The following AANAT variants were observed in gnomAD, a reference collection of about 807,000 sequenced individuals.
The protein encoded by AANAT is serotonin N-acetyltransferase.
Under a neutral mutation model 15.6 loss-of-function variants are expected in AANAT, and 11 were observed. That is an observed-to-expected ratio of 0.71 (90% confidence interval 0.44 to 1.17). AANAT has a LOEUF of 1.17. Among genes scored for constraint, AANAT ranks in the 50% most tolerant of loss-of-function variants. The probability of loss-of-function intolerance (pLI) is 0.00; values close to 1 mark genes in which losing one functional copy is unlikely to be tolerated. For missense variants in AANAT, 286 were observed against 296.3 expected, an observed-to-expected ratio of 0.97 and a Z score of 0.26; for synonymous variants, 139 against 131.5, an observed-to-expected ratio of 1.06 and a Z score of -0.39.
chr17:76,464,686 A>G (rs989457241), upstream of AANAT, among the ~76,000 whole-genome samples: 3 of 152,024 alleles, frequency 2.0e-5, no homozygotes, highest in African/African-American at 7.2e-5. Context: ...TACAGGCATG[A>G]GCCACGACGT....
exon 1 of AANAT, chr17:76,453,407 AG>A (rs1182578611): frequency 3.7e-6 from 1 of 272,228 alleles, no homozygotes; most frequent in Non-Finnish European, 6.8e-6. Context: ...GGGAGCGAGA[AG>A]GGGCGGGGAC....
At chr17:76,463,586 G>A (rs893956208), upstream of AANAT, among the ~76,000 whole-genome samples, 1 of 152,068 alleles carries the variant, frequency 6.6e-6, no homozygotes, top group Non-Finnish European at 1.5e-5. Context: ...GGGATTACAG[G>A]TGTGAGCCAC....
chr17:76,455,948 G>A (rs949870926), intron 1 of AANAT, among the ~76,000 whole-genome samples: 1 of 152,144 alleles, frequency 6.6e-6, no homozygotes, highest in South Asian at 2.1e-4. Flanking sequence ...GGGAGCAGGA[G>A]GTTACAGTGA....
upstream of AANAT, chr17:76,466,072 CAGG>C: frequency 9.7e-7 from 1 of 1,033,176 alleles, no homozygotes; most frequent in Non-Finnish European, 1.4e-6. Context: ...CCGGAAAGAA[CAGG>C]GCCATGTGGA....
At chr17:76,465,460 C>G (rs1160386152), upstream of AANAT, among the ~76,000 whole-genome samples, 1 of 151,900 alleles carries the variant, frequency 6.6e-6, no homozygotes, top group Non-Finnish European at 1.5e-5. Flanking sequence ...CTCAGCCTCC[C>G]AAGTAGCTGG....
chr17:76,461,246 G>T (rs952580822), intron 2 of AANAT, among the ~76,000 whole-genome samples: 1 of 152,048 alleles, frequency 6.6e-6, no homozygotes, highest in Non-Finnish European at 1.5e-5. Flanking sequence ...GTGGCACGAT[G>T]CCACATTCTC....
At chr17:76,462,041 A>G (rs953955264) in intron 2 of AANAT, among the ~76,000 whole-genome samples, 5 of 152,136 alleles carry the variant, frequency 3.3e-5, no homozygotes, top group Non-Finnish European at 7.4e-5. Flanking sequence ...TCCTTAGGAG[A>G]CATGTACTAC....
chr17:76,469,759 T>A lies in AANAT; in HGVS notation c.413T>A (p.Ile138Asn). The A allele has an allele frequency of 1.3e-6, 2 of 1,580,568 alleles. No homozygotes were observed. The highest frequency in any genetic ancestry group is 1.2e-5 in the South Asian group (1 of 86,860). The stretch of plus-strand genomic sequence containing the variant: ...TTCCGGCAGCAGGGCAGGGGCCCCA[T>A]CCTGCTGTGGCGCTACCTGCACCAC... ...RAFRQQGRGP[I>N]LLWRYLHHLG... is the part of the protein sequence containing the mutation. The change falls in exon 4 of 4, where the codon ATC becomes AAC. Residue 138 changes from isoleucine (I) to asparagine (N), a missense_variant. Ile to Asn is a moderately radical substitution (Grantham distance 149). Transcript: ENST00000392492. The surrounding 1 kb of genome is among the most constrained non-coding windows in gnomAD (Gnocchi z 5.2).
chr17:76,460,416 T>C (rs1783086836), intron 2 of AANAT, among the ~76,000 whole-genome samples: 1 of 152,004 alleles, frequency 6.6e-6, no homozygotes. Context: ...CCTCCCAAAG[T>C]GCTGGGATTA....
chr17:76,461,899 A>G (rs1197589097), intron 2 of AANAT, among the ~76,000 whole-genome samples: 1 of 152,192 alleles, frequency 6.6e-6, no homozygotes, highest in Non-Finnish European at 1.5e-5. Context: ...AGAAGTCAGC[A>G]TGGCAGAGCC....
chr17:76,469,834 C>T lies in AANAT; in HGVS notation c.488C>T (p.Ala163Val), dbSNP rs72466448. The T allele has an allele frequency of 3.7e-3, 5,963 of 1,604,956 alleles. 23 individuals carry two copies. The highest frequency in any genetic ancestry group is 6.6e-3 in the Admixed American group (392 of 59,018). Residue 163 changes from alanine to valine, a missense_variant, in exon 4 of 4, where the codon GCG becomes GTG. Coordinates refer to ENST00000392492, the MANE Select transcript of AANAT (RefSeq NM_001088.3). This position sits in a 1 kb window ranked among gnomAD's most constrained non-coding sequence, Gnocchi z 5.2. ...CGGGCCGCGCTCATGTGCGAGGACG[C>T]GCTGGTACCCTTCTATGAGAGGTTC... ...VRRAALMCED[A>V]LVPFYERFSF...
chr17:76,468,666 C>T lies in AANAT; in HGVS notation c.-75-6C>T, dbSNP rs541732207. The T allele has an allele frequency of 6.5e-7, 1 of 1,541,036 alleles. No individual in the cohort carries two copies. The highest frequency in any genetic ancestry group is 8.7e-7 in the Non-Finnish European group (1 of 1,147,298). The stretch of plus-strand genomic sequence containing the variant: ...GAGACCCCTGTCCCTTGCTGTTCTC[C>T]AACAGGTGCTGGGAGGCCCTCCTTG... On this transcript the variant is annotated splice_region_variant and splice_polypyrimidine_tract_variant and intron_variant, in intron 1 of 3. Transcript: ENST00000392492.
At chr17:76,465,454 G>C (rs962871784), upstream of AANAT, among the ~76,000 whole-genome samples, 2 of 151,170 alleles carry the variant, frequency 1.3e-5, no homozygotes, top group Admixed American at 6.6e-5. Context: ...TCCCACCTCA[G>C]CCTCCCAAGT....
chr17:76,453,693 A>G (rs1349168062), exon 1 of AANAT: 1 of 152,256 alleles, frequency 6.6e-6, no homozygotes, highest in Non-Finnish European at 1.5e-5. Context: ...GCATATGTAT[A>G]ATGCACTGTA....
intron 1 of AANAT, among the ~76,000 whole-genome samples, chr17:76,456,208 G>A (rs559939437): frequency 1.3e-5 from 2 of 151,952 alleles, no homozygotes; most frequent in East Asian, 3.9e-4. Flanking sequence ...GCCCATGCCT[G>A]TAATCCCAGC....
chr17:76,457,001 G>C (rs1436765228), intron 1 of AANAT, among the ~76,000 whole-genome samples: 1 of 152,166 alleles, frequency 6.6e-6, no homozygotes, highest in Non-Finnish European at 1.5e-5. Context: ...GGGAGTCCAT[G>C]TGTCTATGTG....
rs200972121 is a variant in AANAT, at chr17:76,468,885, A to C, written c.139A>C (p.Ser47Arg). 5.6e-6 allele frequency: 9 copies of C among 1,613,510 alleles called. No individual in the cohort carries two copies. The East Asian group carries it at 1.6e-4, about 28-fold the overall frequency. ...FRCLTPEDAVSAFEIEREAFI... is the reference protein window; with the variant it reads ...FRCLTPEDAVRAFEIEREAFI... Reference sequence around the variant, plus strand: ...CTGCCTCACCCCGGAGGACGCTGTCAGCGCCTTTGAGATCGAGCGTGAAGG... The same window carrying C: ...CTGCCTCACCCCGGAGGACGCTGTCCGCGCCTTTGAGATCGAGCGTGAAGG... The change falls in exon 2 of 4, where the codon AGC becomes CGC. Residue 47 changes from serine to arginine, a missense_variant. By Grantham distance (110) the Ser-to-Arg change is moderately radical. Transcript: ENST00000392492.
At chr17:76,460,559 C>T (rs2073379112) in intron 2 of AANAT, among the ~76,000 whole-genome samples, 1 of 152,244 alleles carries the variant, frequency 6.6e-6, no homozygotes, top group East Asian at 1.9e-4. Flanking sequence ...CCTTGGCCTC[C>T]CAAAGTGCCA....
chr17:76,456,000 G>A (rs753879302), intron 1 of AANAT, among the ~76,000 whole-genome samples: 6 of 151,822 alleles, frequency 4.0e-5, no homozygotes, highest in East Asian at 3.9e-4. Flanking sequence ...GCGACAGAGC[G>A]AGACTGCGTC....
Sources: allele counts gnomAD v4.1 joint callset (sites outside exome capture counted in the v4.1 genomes callset), GRCh38; gene constraint gnomAD v4.1.1; non-coding constraint Gnocchi (gnomAD v3.1); transcripts MANE v1.5; gene names NCBI Gene and HGNC (gene_info 2026-07-23, HGNC 2026-07-21).